RTN4RL1: variants seen among roughly 807,000 people sequenced by gnomAD.
RTN4RL1 encodes the protein reticulon 4 receptor like 1.
A neutral mutation model predicts 25.6 loss-of-function variants in RTN4RL1; 7 were observed. The observed-to-expected ratio is 0.27, with a 90% CI of 0.16 to 0.51. RTN4RL1 has a LOEUF of 0.51. RTN4RL1 is among the 20% of genes least tolerant of loss of function. The pLI, the probability that RTN4RL1 is intolerant of heterozygous loss-of-function variation, is 0.97. For synonymous variants in RTN4RL1, 297 were observed against 288.2 expected (o/e 1.03, Z -0.31); for missense variants, 500 against 615.6 (o/e 0.81, Z 1.99).
chr17:2,023,356 G>C (rs978279176), intron 1 of RTN4RL1, among the ~76,000 whole-genome samples: 1 of 152,136 alleles, frequency 6.6e-6, no homozygotes, highest in African/African-American at 2.4e-5. Context: ...GAGAACCTGG[G>C]GTGTGTCTGC....
intron 1 of RTN4RL1, among the ~76,000 whole-genome samples, chr17:2,012,636 A>G (rs2067064445): frequency 6.7e-6 from 1 of 149,068 alleles, no homozygotes; most frequent in Non-Finnish European, 1.5e-5. Flanking sequence ...AATTTCTCTT[A>G]TGGTTACAGA....
chr17:1,986,039 T>C lies in RTN4RL1; in HGVS notation c.13+38814A>G, dbSNP rs534245832. ...CACTTGCCTATAACCTTGACAGCTC[T>C]GTCTCCACCAAGACACGAACCACCT... On this transcript the variant is annotated intron_variant, in intron 1 of 1. Coordinates refer to ENST00000331238, the MANE Select transcript of RTN4RL1 (RefSeq NM_178568.4). 1.8e-4 allele frequency among the ~76,000 whole-genome samples: 28 copies of C among 152,156 alleles called. No homozygotes were observed. In the South Asian group the frequency reaches 5.6e-3, roughly 31 times the overall value.
intron 1 of RTN4RL1, among the ~76,000 whole-genome samples, chr17:2,016,207 C>T (rs1334799255): frequency 6.6e-6 from 1 of 152,106 alleles, no homozygotes; most frequent in Non-Finnish European, 1.5e-5. Context: ...ATAGTGAAAC[C>T]CCGTTTCTAC....
chr17:1,946,776 CTG>C (rs202109577), intron 1 of RTN4RL1, among the ~76,000 whole-genome samples: 1 of 115,640 alleles, frequency 8.6e-6, no homozygotes, highest in Non-Finnish European at 1.7e-5. Context: ...GATTGTGTGT[CTG>C]TGTGTGCATG....
intron 1 of RTN4RL1, among the ~76,000 whole-genome samples, chr17:1,974,980 T>G (rs1447723903): frequency 6.6e-6 from 1 of 152,198 alleles, no homozygotes; most frequent in Non-Finnish European, 1.5e-5. Context: ...GCCAAGCATT[T>G]AGCCCTTCCA....
intron 1 of RTN4RL1, among the ~76,000 whole-genome samples, chr17:1,976,800 C>T (rs920671949): frequency 6.6e-6 from 1 of 152,218 alleles, no homozygotes; most frequent in African/African-American, 2.4e-5. Context: ...AAAGCCCGGT[C>T]TTTGGGTGGA....
intron 1 of RTN4RL1, among the ~76,000 whole-genome samples, chr17:1,959,935 A>C (rs1915862799): frequency 6.6e-6 from 1 of 152,202 alleles, no homozygotes; most frequent in Non-Finnish European, 1.5e-5. Context: ...ACTGCAGACC[A>C]GTCCACCCGC....
chr17:1,973,788 C>G, intron 1 of RTN4RL1, among the ~76,000 whole-genome samples: 1 of 152,264 alleles, frequency 6.6e-6, no homozygotes, highest in Non-Finnish European at 1.5e-5. Context: ...CCTGTAATCC[C>G]AGCACTTTGG....
intron 1 of RTN4RL1, among the ~76,000 whole-genome samples, chr17:2,013,770 G>C: frequency 8.1e-6 from 1 of 124,124 alleles, no homozygotes; most frequent in South Asian, 3.1e-4. Context: ...AAATACCCCA[G>C]CTCCCTCACC....
At chr17:1,938,130 G>GGT (rs1915352745) in intron 1 of RTN4RL1, among the ~76,000 whole-genome samples, 1 of 152,116 alleles carries the variant, frequency 6.6e-6, no homozygotes, top group Non-Finnish European at 1.5e-5. Flanking sequence ...ACACTGCTGG[G>GGT]GTGTAGGTCA....
rs555893954 is a variant in RTN4RL1 at position 1,945,112 on chromosome 17, G to A, written c.14-7304C>T. Among the ~76,000 whole-genome samples the A allele has an allele frequency of 2.9e-4, 44 of 152,228 alleles. 1 individual carries two copies. In the South Asian group the frequency reaches 8.3e-3, roughly 29 times the overall value. ...ACGTGCTGTTCCCTCTGCCTGGAGC[G>A]CTTCCCAGGGTGTCTGGGGGACTCC... On this transcript the variant is annotated intron_variant, in intron 1 of 1. Coordinates refer to ENST00000331238, the MANE Select transcript of RTN4RL1 (RefSeq NM_178568.4).
intron 1 of RTN4RL1, among the ~76,000 whole-genome samples, chr17:1,962,751 C>T (rs1024608708): frequency 2.6e-5 from 4 of 151,124 alleles, no homozygotes; most frequent in Non-Finnish European, 5.9e-5. Context: ...TAACCCCAGC[C>T]ACTCGGGAGG....
intron 1 of RTN4RL1, among the ~76,000 whole-genome samples, chr17:1,999,888 G>T (rs577151571): frequency 6.6e-6 from 1 of 152,232 alleles, no homozygotes; most frequent in Non-Finnish European, 1.5e-5. Context: ...CTCCTCTCCT[G>T]TCTAGGGCCC....
At chr17:1,958,155 A>T (rs1410560824) in intron 1 of RTN4RL1, among the ~76,000 whole-genome samples, 2 of 152,192 alleles carry the variant, frequency 1.3e-5, no homozygotes, top group East Asian at 3.8e-4. Context: ...GCACCACTGC[A>T]CTCCAGCCTG....
chr17:1,955,326 C>T (rs1442331213), intron 1 of RTN4RL1, among the ~76,000 whole-genome samples: 4 of 152,022 alleles, frequency 2.6e-5, no homozygotes, highest in Non-Finnish European at 5.9e-5. Flanking sequence ...GAGGTCAAGG[C>T]AGGAGGATGG....
chr17:1,948,692 C>T (rs771140830), intron 1 of RTN4RL1, among the ~76,000 whole-genome samples: 6 of 148,972 alleles, frequency 4.0e-5, no homozygotes, highest in South Asian at 2.2e-4. Flanking sequence ...ACCTCCGTGG[C>T]GACGAGACCG....
At chr17:1,997,233 A>G (rs1331343078) in intron 1 of RTN4RL1, among the ~76,000 whole-genome samples, 2 of 152,102 alleles carry the variant, frequency 1.3e-5, no homozygotes, top group Admixed American at 6.5e-5. Flanking sequence ...TTCACTCACG[A>G]CAATCAACCT....
At chr17:2,020,067 T>C (rs1406031832) in intron 1 of RTN4RL1, 1 of 152,146 alleles carries the variant, frequency 6.6e-6, no homozygotes, top group Non-Finnish European at 1.5e-5. Context: ...ACCCGGAGCT[T>C]TGAGGAGCGC....
At chr17:1,967,985 T>C (rs893478482) in intron 1 of RTN4RL1, among the ~76,000 whole-genome samples, 4 of 152,088 alleles carry the variant, frequency 2.6e-5, no homozygotes, top group African/African-American at 9.7e-5. Flanking sequence ...CAAAGTCCCC[T>C]TGAAATCTCC....
Sources: allele counts gnomAD v4.1 joint callset (sites outside exome capture counted in the v4.1 genomes callset), GRCh38; gene constraint gnomAD v4.1.1; transcripts MANE v1.5; gene names NCBI Gene and HGNC (gene_info 2026-07-23, HGNC 2026-07-21).